ARHGAP29: variants seen among roughly 807,000 people sequenced by gnomAD.
The protein encoded by ARHGAP29 is Rho GTPase activating protein 29, also known as rho GTPase-activating protein 29.
Under a neutral mutation model 122.6 loss-of-function variants are expected in ARHGAP29, and 43 were observed. The observed-to-expected ratio is 0.35, with a 90% CI of 0.27 to 0.45. The LOEUF is 0.45. Ranked by LOEUF, ARHGAP29 falls within the 20% of genes least tolerant of loss-of-function variation. The pLI is 1.00. For synonymous variants in ARHGAP29, 506 were observed against 497.1 expected, an observed-to-expected ratio of 1.02 and a Z score of -0.24; for missense variants, 1,303 against 1,477.2, an observed-to-expected ratio of 0.88 and a Z score of 1.93.
chr1:94,287,351 T>C, the ARHGAP29 span, among the ~76,000 whole-genome samples: 1 of 152,068 alleles, frequency 6.6e-6, no homozygotes, highest in Non-Finnish European at 1.5e-5. Flanking sequence ...CTGATGGTTT[T>C]ATAAGGCAGT....
chr1:94,245,091 T>C (rs1187850202), intron 1 of ARHGAP29, among the ~76,000 whole-genome samples: 1 of 152,170 alleles, frequency 6.6e-6, no homozygotes, highest in Non-Finnish European at 1.5e-5. Context: ...TAGACTGAAA[T>C]ACTAAGTGTT....
chr1:94,266,855 C>A (rs1654793720), intron 1 of ARHGAP29, among the ~76,000 whole-genome samples: 1 of 152,156 alleles, frequency 6.6e-6, no homozygotes, highest in South Asian at 2.1e-4. Flanking sequence ...TCATTATCTC[C>A]TAAAGGAGGC....
At chr1:94,202,897 A>T in intron 10 of ARHGAP29, 21 bp downstream of exon 10, 1 of 1,585,340 alleles carries the variant, frequency 6.3e-7, no homozygotes, top group South Asian at 1.2e-5. Context: ...TAGGTACATG[A>T]AACTCCATTT....
intron 1 of ARHGAP29, among the ~76,000 whole-genome samples, chr1:94,233,110 A>G (rs1653024977): frequency 6.6e-6 from 1 of 151,686 alleles, no homozygotes; most frequent in South Asian, 2.1e-4. Flanking sequence ...ACACCTAGCT[A>G]GCTAAAAAAA....
intron 14 of ARHGAP29, 88 bp from the exon 15 acceptor site, chr1:94,189,029 A>G (rs907981586): frequency 7.0e-7 from 1 of 1,419,798 alleles, no homozygotes; most frequent in Non-Finnish European, 9.7e-7. Flanking sequence ...AGACAATTCA[A>G]ATTTCTTTAA....
In ARHGAP29 at chr1:94,172,590, A is replaced by G. The variant is rs893180087; in HGVS notation, c.*1279T>C. ...CAACAACTGAAAAGAAGCCACGGGA[A>G]CATGAAATAATTTAACAAGTTGATA... On this transcript the variant is annotated 3_prime_UTR_variant, in exon 23 of 23. Transcript: ENST00000260526. 7.1e-6 allele frequency: 1 copy of G among 140,966 alleles called. No homozygotes were observed. The highest frequency in any genetic ancestry group is 1.5e-5 in the Non-Finnish European group (1 of 65,480). The allele number at this position is 140,966 out of a possible 1,614,324, so 8.7% of individuals were successfully genotyped here.
the ARHGAP29 span, among the ~76,000 whole-genome samples, chr1:94,312,868 T>A: frequency 6.6e-6 from 1 of 152,214 alleles, no homozygotes; most frequent in East Asian, 1.9e-4. Context: ...GAATTCTGAA[T>A]GGGAGAGTGC....
At chr1:94,279,805 GAGTCTTTCCCTCAA>G (rs1655293296), upstream of ARHGAP29, among the ~76,000 whole-genome samples, 1 of 152,160 alleles carries the variant, frequency 6.6e-6, no homozygotes, top group Admixed American at 6.5e-5. Context: ...ACTATACCTT[GAGTCTTTCCCTCAA>G]AGTCTTTCTA....
Position 94,168,994 on chromosome 1 carries a change from A to G in ARHGAP29, c.*4875T>C, listed in dbSNP as rs867971585. On this transcript the variant is annotated 3_prime_UTR_variant, in exon 23 of 23. Coordinates refer to ENST00000260526, the MANE Select transcript of ARHGAP29 (RefSeq NM_004815.4). ...ATTGGTTGAGTGTGAGGACACTTAAAAATAGCATGATACAGTTATTGTAGG... is the reference window on the plus strand; with the variant it reads ...ATTGGTTGAGTGTGAGGACACTTAAGAATAGCATGATACAGTTATTGTAGG... 1.3e-5 allele frequency among the ~76,000 whole-genome samples: 2 copies of G among 152,352 alleles called. No homozygotes were observed. Among genetic ancestry groups the G allele is most frequent in the South Asian group, 2.1e-4 (1 of 4,824 alleles).
intron 12 of ARHGAP29, chr1:94,191,674 A>C (rs1041873709): frequency 2.6e-5 from 4 of 152,200 alleles, no homozygotes; most frequent in African/African-American, 9.7e-5. Flanking sequence ...AATTTATTTA[A>C]ACCAGTGCAT....
At chr1:94,268,407 C>T (rs887931941) in intron 1 of ARHGAP29, among the ~76,000 whole-genome samples, 7 of 152,110 alleles carry the variant, frequency 4.6e-5, no homozygotes, top group Non-Finnish European at 8.8e-5. Flanking sequence ...CACATCCCCC[C>T]AGCACACACA....
In ARHGAP29 at chr1:94,173,712, G is replaced by C; in HGVS notation, c.*157C>G. ...CCCTATCAAAACATTCTACCATTCA[G>C]TATTACCAACAGAGGATAAATACAA... On this transcript the variant is annotated 3_prime_UTR_variant, in exon 23 of 23. Coordinates refer to ENST00000260526, the MANE Select transcript of ARHGAP29 (RefSeq NM_004815.4). The C allele has an allele frequency of 1.2e-6, 1 of 811,956 alleles. No homozygotes were observed. The allele number at this position is 811,956 out of a possible 1,614,324, so 50.3% of individuals were successfully genotyped here. A position where few individuals can be genotyped will look rare whatever the true frequency, so the allele number is the denominator to read the frequency against.
chr1:94,175,421 C>T (rs1223704663), intron 22 of ARHGAP29, among the ~76,000 whole-genome samples: 3 of 152,168 alleles, frequency 2.0e-5, no homozygotes, highest in Admixed American at 2.0e-4. Flanking sequence ...ATTCCAATTC[C>T]AGGAATGTTC....
chr1:94,256,419 C>T lies in ARHGAP29; in HGVS notation c.-33+18593G>A, dbSNP rs140625624. On this transcript the variant is annotated intron_variant and NMD_transcript_variant, in intron 1 of 25. Coordinates refer to the ARHGAP29 transcript ENST00000552844. ...CAGAACCCCTTCATAAGTTACCTCCCTTCTACTGAACTTGGGTCAGAATTT... is the reference window on the plus strand; with the variant it reads ...CAGAACCCCTTCATAAGTTACCTCCTTTCTACTGAACTTGGGTCAGAATTT... Among the ~76,000 whole-genome samples, 26 of 152,082 alleles carry T rather than the reference C, an allele frequency of 1.7e-4. 1 individual carries two copies. The East Asian group carries it at 4.4e-3, about 26-fold the overall frequency.
At chr1:94,260,759 T>C (rs1654530021) in intron 1 of ARHGAP29, among the ~76,000 whole-genome samples, 1 of 152,136 alleles carries the variant, frequency 6.6e-6, no homozygotes, top group Admixed American at 6.5e-5. Flanking sequence ...TGGCTGGTAG[T>C]GGCAGGAATA....
intron 1 of ARHGAP29, among the ~76,000 whole-genome samples, chr1:94,236,695 A>G (rs1653289952): frequency 6.6e-6 from 1 of 151,868 alleles, no homozygotes; most frequent in Non-Finnish European, 1.5e-5. Context: ...TTTTTTTTTT[A>G]ATTAAAACTG....
At chr1:94,202,254 T>C in intron 11 of ARHGAP29, 1 of 548,094 alleles carries the variant, frequency 1.8e-6, no homozygotes, top group Non-Finnish European at 3.2e-6. Context: ...TGAACTTTCT[T>C]GTCAAGTAAA....
At chr1:94,267,465 A>G (rs1007246138) in intron 1 of ARHGAP29, among the ~76,000 whole-genome samples, 2 of 152,222 alleles carry the variant, frequency 1.3e-5, no homozygotes, top group African/African-American at 4.8e-5. Flanking sequence ...TCTCATTCAT[A>G]AAATGAGTAT....
intron 2 of ARHGAP29, among the ~76,000 whole-genome samples, chr1:94,224,378 T>C (rs1652497220): frequency 6.6e-6 from 1 of 152,178 alleles, no homozygotes; most frequent in African/African-American, 2.4e-5. Context: ...TAGGAAACAT[T>C]AAATCTCAGG....
Sources: allele counts gnomAD v4.1 joint callset (sites outside exome capture counted in the v4.1 genomes callset), GRCh38; gene constraint gnomAD v4.1.1; transcripts MANE v1.5; gene names NCBI Gene and HGNC (gene_info 2026-07-23, HGNC 2026-07-21).